The following SLC22A24 variants were observed in gnomAD, a reference collection of about 807,000 sequenced individuals.
SLC22A24 encodes solute carrier family 22 member 24, also known as steroid transmembrane transporter SLC22A24.
Under a neutral mutation model 49.8 loss-of-function variants are expected in SLC22A24, and 53 were observed. The ratio of observed to expected loss-of-function variants is 1.06; its 90% confidence interval spans 0.85 to 1.34. SLC22A24 has a LOEUF of 1.34. Among genes scored for constraint, SLC22A24 ranks in the 40% most tolerant of loss-of-function variants. SLC22A24 has a pLI of 0.00. For missense variants in SLC22A24, 786 were observed against 675.9 expected, an observed-to-expected ratio of 1.16 and a Z score of -1.81; for synonymous variants, 302 against 256.4, an observed-to-expected ratio of 1.18 and a Z score of -1.70.
intron 5 of SLC22A24, among the ~76,000 whole-genome samples, chr11:63,100,760 T>C (rs2087085424): frequency 6.6e-6 from 1 of 152,056 alleles, no homozygotes; most frequent in Non-Finnish European, 1.5e-5. Context: ...ACATCTACAG[T>C]GAACTGATTT....
At chr11:63,119,772 G>A (rs2087238314) in intron 2 of SLC22A24, among the ~76,000 whole-genome samples, 1 of 152,168 alleles carries the variant, frequency 6.6e-6, no homozygotes, top group Non-Finnish European at 1.5e-5. Context: ...GAAAGGAAGA[G>A]TGGAAAGACA....
At chr11:63,128,249 G>A (rs1281912905) in intron 2 of SLC22A24, among the ~76,000 whole-genome samples, 2 of 152,160 alleles carry the variant, frequency 1.3e-5, no homozygotes, top group African/African-American at 2.4e-5. Flanking sequence ...AGACAAGAGT[G>A]TGAGCCTTCT....
chr11:63,142,579 T>G (rs1291036425), intron 1 of SLC22A24, among the ~76,000 whole-genome samples: 1 of 152,172 alleles, frequency 6.6e-6, no homozygotes, highest in African/African-American at 2.4e-5. Flanking sequence ...GATTAGAAAT[T>G]ATCATTTAGT....
At chr11:63,142,645 C>T (rs1939753) in intron 1 of SLC22A24, among the ~76,000 whole-genome samples, 108,881 of 151,984 alleles carry the variant, frequency 0.72, 40,396 homozygotes, top group East Asian at 0.9. Context: ...CTCCTAAGAT[C>T]AGTGCTTGAG....
At chr11:63,119,528 G>A (rs553889002) in intron 2 of SLC22A24, among the ~76,000 whole-genome samples, 193 bp from the exon 3 acceptor site, 7 of 152,166 alleles carry the variant, frequency 4.6e-5, no homozygotes, top group Non-Finnish European at 1.0e-4. Flanking sequence ...GTCAGTATGA[G>A]AGTGTTGTCA....
chr11:63,134,144 G>T (rs1208306319), intron 2 of SLC22A24, among the ~76,000 whole-genome samples: 1 of 152,162 alleles, frequency 6.6e-6, no homozygotes, highest in Non-Finnish European at 1.5e-5. Context: ...ACAACCATCA[G>T]ATTTTATAAT....
intron 6 of SLC22A24, among the ~76,000 whole-genome samples, chr11:63,091,363 C>T (rs1463678686): frequency 6.6e-6 from 1 of 152,144 alleles, no homozygotes; most frequent in Non-Finnish European, 1.5e-5. Context: ...TGAAACTATT[C>T]CAAACAATAG....
intron 6 of SLC22A24, among the ~76,000 whole-genome samples, chr11:63,084,976 G>T (rs889309687): frequency 6.6e-6 from 1 of 150,902 alleles, no homozygotes; most frequent in African/African-American, 2.4e-5. Flanking sequence ...GAGAGTATGT[G>T]TTATGTGGCT....
chr11:63,107,027 T>A (rs1268324315), intron 4 of SLC22A24, among the ~76,000 whole-genome samples: 1 of 152,212 alleles, frequency 6.6e-6, no homozygotes, highest in Non-Finnish European at 1.5e-5. Context: ...CTGAATGGTA[T>A]TGACTAGGTT....
In SLC22A24 at chr11:63,083,419, T is replaced by A; in HGVS notation, c.1109A>T (p.Asn370Ile). The A allele has an allele frequency of 1.3e-6, 2 of 1,551,290 alleles. No individual in the cohort carries two copies. The highest frequency in any genetic ancestry group is 1.7e-6 in the Non-Finnish European group (2 of 1,146,794). ...GACATTGCTCCCTAAGTGCTGCAAG[T>A]TGAGTATCAGGCCATAAAAGGGTAC... ...ITVPFYGLIL[N>I]LQHLGSNVSL... is the part of the protein sequence containing the mutation. The change falls in exon 7 of 10, where the codon AAC becomes ATC. Residue 370 changes from asparagine (N) to isoleucine (I), a missense_variant. Physicochemically the swap from Asn to Ile is moderately radical, Grantham distance 149. Transcript: ENST00000612278.
At chr11:63,139,006 T>G (rs12801683) in intron 1 of SLC22A24, among the ~76,000 whole-genome samples, 15 of 152,210 alleles carry the variant, frequency 9.9e-5, no homozygotes, top group Non-Finnish European at 2.1e-4. Flanking sequence ...GCTTGGGTAA[T>G]AAGAGATCTG....
At chr11:63,081,395 T>A (rs909329683) in intron 8 of SLC22A24, among the ~76,000 whole-genome samples, 163 bp downstream of exon 8, 7 of 152,240 alleles carry the variant, frequency 4.6e-5, no homozygotes, top group African/African-American at 1.7e-4. Flanking sequence ...GCAGCTTTGA[T>A]AATTTGATAA....
intron 5 of SLC22A24, among the ~76,000 whole-genome samples, chr11:63,099,049 C>G (rs912659549): frequency 3.9e-5 from 6 of 152,070 alleles, no homozygotes; most frequent in Admixed American, 6.6e-5. Flanking sequence ...TGCAACTTAT[C>G]AAGATTGAAC....
chr11:63,129,149 T>G (rs893442031), intron 2 of SLC22A24, among the ~76,000 whole-genome samples: 1 of 152,236 alleles, frequency 6.6e-6, no homozygotes, highest in South Asian at 2.1e-4. Context: ...AGTTAATTTT[T>G]GTATAAGGTG....
At chr11:63,138,898 T>G (rs1312616526) in intron 1 of SLC22A24, among the ~76,000 whole-genome samples, 7 of 152,182 alleles carry the variant, frequency 4.6e-5, no homozygotes. Flanking sequence ...TTCTCTGAAC[T>G]ACCTTGTAGA....
chr11:63,126,974 T>C (rs2087295755), intron 2 of SLC22A24, among the ~76,000 whole-genome samples: 1 of 152,162 alleles, frequency 6.6e-6, no homozygotes, highest in African/African-American at 2.4e-5. Flanking sequence ...TGTATAGGAA[T>C]ACTTGTGATT....
intron 5 of SLC22A24, among the ~76,000 whole-genome samples, chr11:63,101,646 T>A (rs1184829776): frequency 6.6e-6 from 1 of 152,122 alleles, no homozygotes; most frequent in Non-Finnish European, 1.5e-5. Flanking sequence ...ACTTCATGTT[T>A]ATTGCAGCAA....
intron 4 of SLC22A24, 124 bp from the exon 5 acceptor site, chr11:63,104,422 G>C (rs1590735413): frequency 1.9e-6 from 2 of 1,075,594 alleles, no homozygotes; most frequent in Non-Finnish European, 2.6e-6. Flanking sequence ...AGTCATTTCT[G>C]ACCAAATTGG....
At chr11:63,103,952 C>T (rs983318374) in intron 5 of SLC22A24, among the ~76,000 whole-genome samples, 1 of 152,106 alleles carries the variant, frequency 6.6e-6, no homozygotes, top group Non-Finnish European at 1.5e-5. Context: ...ATGAAAATTT[C>T]CCAATCAATT....
Sources: gnomAD v4.1 joint callset for allele counts (sites outside exome capture counted in the v4.1 genomes callset) on GRCh38, gnomAD v4.1.1 for gene constraint, MANE v1.5 for transcripts, NCBI Gene and HGNC (gene_info 2026-07-23, HGNC 2026-07-21) for gene names.